NFIB: variants seen among roughly 807,000 people sequenced by gnomAD.
NFIB encodes nuclear factor 1 B-type.
Under a neutral mutation model 61.5 loss-of-function variants are expected in NFIB, and 11 were observed. The ratio of observed to expected loss-of-function variants is 0.18; its 90% confidence interval spans 0.11 to 0.30. The LOEUF (loss-of-function observed/expected upper bound fraction) is 0.30. Ranked by LOEUF, NFIB falls within the 10% of genes least tolerant of loss-of-function variation. NFIB has a pLI of 1.00. For missense variants in NFIB, 471 were observed against 608.9 expected (o/e 0.77, Z 2.38); for synonymous variants, 260 against 216.5 (o/e 1.20, Z -1.76).
Position 14,082,505 on chromosome 9 carries a change from C to G in NFIB, c.*5804G>C, listed in dbSNP as rs1393492215. On this transcript the variant is annotated 3_prime_UTR_variant, in exon 11 of 11. Coordinates refer to ENST00000380953, the MANE Select transcript of NFIB (RefSeq NM_001190737.2). Reference sequence around the variant, plus strand: ...ATAATCTACTGCAGCTTTGAGAAACCTATGCCTGGGATGTAGTTACCCCTC... The same window carrying G: ...ATAATCTACTGCAGCTTTGAGAAACGTATGCCTGGGATGTAGTTACCCCTC... 2.8e-4 allele frequency: 58 copies of G among 205,984 alleles called. No individual in the cohort carries two copies. The East Asian group carries it at 4.3e-3, about 15-fold the overall frequency. The allele number at this position is 205,984 out of a possible 1,614,324, so 12.8% of individuals were successfully genotyped here.
chr9:14,169,970 T>G (rs1293499962), intron 3 of NFIB, among the ~76,000 whole-genome samples: 2 of 152,242 alleles, frequency 1.3e-5, no homozygotes, highest in Admixed American at 1.3e-4. Context: ...CCTTTAATCC[T>G]ATAAGGTAGA....
intron 10 of NFIB, among the ~76,000 whole-genome samples, chr9:14,105,347 A>T (rs978170701): frequency 6.6e-6 from 1 of 152,246 alleles, no homozygotes; most frequent in Non-Finnish European, 1.5e-5. Context: ...TGCCAAATAA[A>T]TTGGCAATAT....
chr9:14,096,211 G>A (rs1360622960), intron 10 of NFIB: 1 of 152,190 alleles, frequency 6.6e-6, no homozygotes, highest in East Asian at 1.9e-4. Flanking sequence ...AAATAAAGTA[G>A]GGGTTTAATA....
At chr9:14,423,898 A>G in the NFIB span, among the ~76,000 whole-genome samples, 1 of 152,050 alleles carries the variant, frequency 6.6e-6, no homozygotes, top group African/African-American at 2.4e-5. Flanking sequence ...GCATTCCTTA[A>G]CCATGACCCA....
At chr9:14,196,163 C>T (rs2048448435) in intron 2 of NFIB, among the ~76,000 whole-genome samples, 1 of 151,958 alleles carries the variant, frequency 6.6e-6, no homozygotes, top group Non-Finnish European at 1.5e-5. Flanking sequence ...ATTCATTAAG[C>T]ATCAAGACAT....
At chr9:14,224,065 T>G (rs1189321065) in intron 2 of NFIB, among the ~76,000 whole-genome samples, 3 of 152,156 alleles carry the variant, frequency 2.0e-5, no homozygotes, top group Non-Finnish European at 4.4e-5. Context: ...AAACAAACAG[T>G]AAAATGTCCC....
chr9:14,464,624 T>G, the NFIB span, among the ~76,000 whole-genome samples: 2 of 151,842 alleles, frequency 1.3e-5, no homozygotes, highest in African/African-American at 4.8e-5. Context: ...GGGTGAGAGC[T>G]TAGGAGGAAA....
the NFIB span, among the ~76,000 whole-genome samples, chr9:14,405,242 T>TA: frequency 6.6e-6 from 1 of 152,186 alleles, no homozygotes; most frequent in African/African-American, 2.4e-5. Flanking sequence ...CCTGAATGGT[T>TA]ATAGGGAGCA....
At chr9:14,349,821 A>C (rs1000464561) in intron 1 of NFIB, among the ~76,000 whole-genome samples, 1 of 152,182 alleles carries the variant, frequency 6.6e-6, no homozygotes, top group Non-Finnish European at 1.5e-5. Context: ...CTTCGAGCTA[A>C]AAGACGGCTC....
At chr9:14,454,199 C>G in the NFIB span, among the ~76,000 whole-genome samples, 1 of 152,172 alleles carries the variant, frequency 6.6e-6, no homozygotes, top group Non-Finnish European at 1.5e-5. Context: ...TAGGACTCCT[C>G]AAAACCAGTA....
In NFIB at chr9:14,120,426, T is replaced by C. The variant is rs764117863; in HGVS notation, c.1245+14A>G. ...TCCCTTAGGTGCTAATCTTATTTTC[T>C]CTCTTATTTTTACCTGGCTGGTTTG... On this transcript the variant is annotated intron_variant, in intron 8 of 10. Coordinates refer to ENST00000380953, the MANE Select transcript of NFIB (RefSeq NM_001190737.2). This position sits in a 1 kb window ranked among gnomAD's most constrained non-coding sequence, Gnocchi z 4.4. 18 of 1,613,300 alleles carry C rather than the reference T, an allele frequency of 1.1e-5. No homozygotes were observed. In the Admixed American group the frequency reaches 1.3e-4, roughly 12 times the overall value.
chr9:14,131,235 T>A (rs903942136), intron 6 of NFIB, among the ~76,000 whole-genome samples: 1 of 152,170 alleles, frequency 6.6e-6, no homozygotes, highest in African/African-American at 2.4e-5. Flanking sequence ...GAATAAAAGA[T>A]CACCATGTAA....
At chr9:14,274,880 T>C (rs1299577959) in intron 2 of NFIB, among the ~76,000 whole-genome samples, 1 of 152,212 alleles carries the variant, frequency 6.6e-6, no homozygotes, top group Non-Finnish European at 1.5e-5. Context: ...TGTTTGCCAG[T>C]TAGCTAAATT....
chr9:14,127,066 A>T (rs2039748186), intron 6 of NFIB, among the ~76,000 whole-genome samples: 1 of 152,198 alleles, frequency 6.6e-6, no homozygotes, highest in African/African-American at 2.4e-5. Context: ...TAAATATTTA[A>T]TACTGCCAAA....
At chr9:14,113,402 C>T (rs2037674627) in intron 9 of NFIB, among the ~76,000 whole-genome samples, 1 of 152,114 alleles carries the variant, frequency 6.6e-6, no homozygotes, top group Non-Finnish European at 1.5e-5. Context: ...GGCCCTGTTC[C>T]TAGACGTACT....
the NFIB span, among the ~76,000 whole-genome samples, chr9:14,483,742 A>G: frequency 4.6e-5 from 7 of 152,382 alleles, no homozygotes; most frequent in African/African-American, 1.7e-4. Flanking sequence ...TGATTGTCAA[A>G]GCACATGGCT....
chr9:14,420,739 C>T, the NFIB span, among the ~76,000 whole-genome samples: 3 of 152,132 alleles, frequency 2.0e-5, no homozygotes, highest in African/African-American at 7.2e-5. Context: ...TTGGCCACTT[C>T]ATCATAGCTA....
At chr9:14,155,652 G>A (rs116813411) in intron 4 of NFIB, among the ~76,000 whole-genome samples, 173 bp downstream of exon 4, 2,334 of 152,202 alleles carry the variant, frequency 0.015, 59 homozygotes, top group African/African-American at 0.052. Context: ...TGATTTGAAT[G>A]CAAACATTTT....
Position 14,086,461 on chromosome 9 carries a change from T to C in NFIB, c.*1848A>G, listed in dbSNP as rs2032880567. The C allele has an allele frequency of 4.6e-6, 1 of 216,790 alleles. No individual in the cohort carries two copies. The highest frequency in any genetic ancestry group is 9.3e-6 in the Non-Finnish European group (1 of 107,500). The allele number at this position is 216,790 out of a possible 1,614,324, so 13.4% of individuals were successfully genotyped here. On this transcript the variant is annotated 3_prime_UTR_variant, in exon 11 of 11. Coordinates refer to ENST00000380953, the MANE Select transcript of NFIB (RefSeq NM_001190737.2). ...CTACCTACATAGGCAAAACTTGGTA[T>C]TGCATAATTCGTATAAATTTGAAAC...
Sources: gnomAD v4.1 joint callset for allele counts (sites outside exome capture counted in the v4.1 genomes callset) on GRCh38, gnomAD v4.1.1 for gene constraint, Gnocchi (gnomAD v3.1) non-coding constraint, MANE v1.5 for transcripts, NCBI Gene and HGNC (gene_info 2026-07-23, HGNC 2026-07-21) for gene names.